KALRN: variants seen among roughly 807,000 people sequenced by gnomAD.
KALRN encodes kalirin RhoGEF kinase.
In KALRN, 70 loss-of-function variants were observed where a neutral mutation model predicts 353.7. The ratio of observed to expected loss-of-function variants is 0.20; its 90% CI spans 0.16 to 0.24. The LOEUF (loss-of-function observed/expected upper bound fraction) is 0.24. KALRN is among the 10% of genes least tolerant of loss of function. The pLI is 1.00. For missense variants in KALRN, 2,791 were observed against 3,756.7 expected (o/e 0.74, Z 6.72); for synonymous variants, 1,391 against 1,434.8 (o/e 0.97, Z 0.69).
chr3:124,113,504 A>C (rs1173133544), intron 1 of KALRN, among the ~76,000 whole-genome samples: 1 of 152,176 alleles, frequency 6.6e-6, no homozygotes, highest in Non-Finnish European at 1.5e-5. Context: ...ATTGGAAGAG[A>C]GTCGATGACT....
Position 124,405,977 on chromosome 3 carries a change from G to A in KALRN, c.2346+7106G>A, listed in dbSNP as rs1250040490. ...CAGTTTTAATCATGATGATAGAGAA[G>A]AAAAGAACATAAAATTGGCCATAAA... On this transcript the variant is annotated intron_variant, in intron 13 of 59. Coordinates refer to ENST00000682506, the MANE Select transcript of KALRN (RefSeq NM_001388419.1). Among the ~76,000 whole-genome samples the A allele has an allele frequency of 2.6e-5, 4 of 152,134 alleles. No individual in the cohort carries two copies. The East Asian group carries it at 7.7e-4, about 29-fold the overall frequency.
chr3:124,712,049 G>A (rs150821803), intron 57 of KALRN, among the ~76,000 whole-genome samples: 615 of 152,298 alleles, frequency 4.0e-3, no homozygotes, highest in African/African-American at 0.014. Flanking sequence ...GGACTTGGGG[G>A]AAAGGGTGAG....
At chr3:124,715,752 G>A (rs539974539) in intron 58 of KALRN, among the ~76,000 whole-genome samples, 6 of 152,258 alleles carry the variant, frequency 3.9e-5, no homozygotes, top group African/African-American at 1.4e-4. Flanking sequence ...CCTCTGCATG[G>A]GCATTTCCTG....
intron 1 of KALRN, among the ~76,000 whole-genome samples, chr3:124,135,982 G>A (rs2065874968): frequency 6.6e-6 from 1 of 152,184 alleles, no homozygotes; most frequent in Non-Finnish European, 1.5e-5. Context: ...TGGTGCAGCT[G>A]CTTGTCCTCA....
chr3:124,356,548 G>T (rs2083441334), intron 10 of KALRN, among the ~76,000 whole-genome samples: 1 of 152,046 alleles, frequency 6.6e-6, no homozygotes, highest in African/African-American at 2.4e-5. Context: ...TAGCCAGGCT[G>T]GTCTTGAACT....
At chr3:124,490,644 T>C in intron 29 of KALRN, 50 bp from the exon 30 acceptor site, 3 of 1,558,914 alleles carry the variant, frequency 1.9e-6, no homozygotes, top group Non-Finnish European at 2.6e-6. Context: ...CATGGCCCCC[T>C]GACTGTGGCA....
chr3:124,556,329 C>T (rs1384452190), intron 33 of KALRN, among the ~76,000 whole-genome samples: 1 of 152,192 alleles, frequency 6.6e-6, no homozygotes, highest in African/African-American at 2.4e-5. Context: ...GGGCTTCCAA[C>T]ATACAAACTG....
chr3:124,163,582 A>G (rs952154598), intron 1 of KALRN: 1 of 984,808 alleles, frequency 1.0e-6, no homozygotes, highest in Non-Finnish European at 1.2e-6. Flanking sequence ...GTTTTGCTGG[A>G]CACATAATAG....
At chr3:124,262,309 G>T (rs1306416086) in intron 3 of KALRN, among the ~76,000 whole-genome samples, 4 of 152,198 alleles carry the variant, frequency 2.6e-5, no homozygotes, top group Admixed American at 1.3e-4. Context: ...CACAGAAAAG[G>T]TGGAAAGGAA....
intron 1 of KALRN, among the ~76,000 whole-genome samples, chr3:124,173,850 G>A (rs193181934): frequency 1.2e-3 from 183 of 152,018 alleles, no homozygotes; most frequent in African/African-American, 4.2e-3. Context: ...TCCTGACCTC[G>A]TGATCCGCCC....
intron 33 of KALRN, among the ~76,000 whole-genome samples, chr3:124,524,563 A>T (rs2067427590): frequency 6.6e-6 from 1 of 152,244 alleles, no homozygotes; most frequent in East Asian, 1.9e-4. Context: ...TCCTTTAAAA[A>T]AATTAATGTT....
intron 1 of KALRN, chr3:124,151,912 T>C: frequency 1.4e-6 from 1 of 694,848 alleles, no homozygotes; most frequent in Non-Finnish European, 2.5e-6. Flanking sequence ...TGAGAGCAGG[T>C]ACTGTTTATT....
intron 14 of KALRN, among the ~76,000 whole-genome samples, chr3:124,414,032 G>A (rs1377178133): frequency 6.6e-6 from 1 of 152,098 alleles, no homozygotes; most frequent in African/African-American, 2.4e-5. Context: ...CTTCAACCTG[G>A]GAGATGGAGA....
At chr3:124,469,695 C>T (rs2060697015) in intron 25 of KALRN, among the ~76,000 whole-genome samples, 1 of 152,156 alleles carries the variant, frequency 6.6e-6, no homozygotes, top group Admixed American at 6.6e-5. Context: ...ATGTATGCTC[C>T]ACGTTGTTCC....
At chr3:124,633,765 C>G in intron 35 of KALRN, 87 bp from the exon 36 acceptor site, 1 of 1,098,798 alleles carries the variant, frequency 9.1e-7, no homozygotes, top group Non-Finnish European at 1.3e-6. Context: ...GAACTCTCCT[C>G]CTATGTATTA....
intron 34 of KALRN, among the ~76,000 whole-genome samples, chr3:124,595,317 G>T (rs553674621): frequency 6.6e-6 from 1 of 152,228 alleles, no homozygotes; most frequent in South Asian, 2.1e-4. Context: ...CTCAGACAGG[G>T]ATTGTTAAAT....
intron 33 of KALRN, chr3:124,505,088 G>T: frequency 2.2e-6 from 1 of 449,450 alleles, no homozygotes; most frequent in Admixed American, 2.4e-5. Context: ...TTTTACTGGA[G>T]TGTTCTGTAC....
At chr3:124,392,565 T>G (rs1345159620) in intron 11 of KALRN, among the ~76,000 whole-genome samples, 2 of 137,470 alleles carry the variant, frequency 1.5e-5, no homozygotes, top group East Asian at 6.2e-4. Flanking sequence ...GAGTTTTTTT[T>G]GTTTTTTTTT....
chr3:124,536,105 TC>T (rs2068487255), intron 33 of KALRN, among the ~76,000 whole-genome samples: 1 of 151,012 alleles, frequency 6.6e-6, no homozygotes, highest in Non-Finnish European at 1.5e-5. Context: ...ACAATGTGTC[TC>T]CCCCAGCCAC....
Sources: allele counts gnomAD v4.1 joint callset (sites outside exome capture counted in the v4.1 genomes callset), GRCh38; gene constraint gnomAD v4.1.1; transcripts MANE v1.5; gene names NCBI Gene and HGNC (gene_info 2026-07-23, HGNC 2026-07-21).